BCL2L1: variants seen among roughly 807,000 people sequenced by gnomAD.
BCL2L1 encodes BCL2 like 1.
In BCL2L1, 1 loss-of-function variant was observed where a neutral mutation model predicts 18.7. The ratio of observed to expected loss-of-function variants is 0.05; its 90% confidence interval spans 0.02 to 0.25. The LOEUF (loss-of-function observed/expected upper bound fraction) is 0.25, where lower values mean the gene tolerates loss of function less well. Ranked by LOEUF, BCL2L1 falls within the 10% of genes least tolerant of loss-of-function variation. The pLI, the probability that BCL2L1 is intolerant of heterozygous loss-of-function variation, is 1.00. For synonymous variants in BCL2L1, 103 were observed against 122.7 expected, an observed-to-expected ratio of 0.84 and a Z score of 1.06; for missense variants, 207 against 304.9, an observed-to-expected ratio of 0.68 and a Z score of 2.39.
intron 2 of BCL2L1, among the ~76,000 whole-genome samples, chr20:31,697,501 G>C (rs529014075): frequency 6.7e-6 from 1 of 150,254 alleles, no homozygotes; most frequent in Admixed American, 6.6e-5. Context: ...GCAGTGGCAC[G>C]ATCTTGACTC....
intron 2 of BCL2L1, among the ~76,000 whole-genome samples, chr20:31,692,694 A>C (rs886523851): frequency 2.0e-5 from 3 of 152,164 alleles, no homozygotes; most frequent in African/African-American, 7.2e-5. Context: ...GTGGATCACG[A>C]GGTCAGGAGT....
chr20:31,701,451 A>G (rs181622926), intron 2 of BCL2L1, among the ~76,000 whole-genome samples: 169 of 152,362 alleles, frequency 1.1e-3, no homozygotes, highest in African/African-American at 3.8e-3. Flanking sequence ...GGACTTTTGT[A>G]ACATACATTT....
chr20:31,719,125 G>A (rs943359904), intron 2 of BCL2L1, among the ~76,000 whole-genome samples: 1 of 150,994 alleles, frequency 6.6e-6, no homozygotes, highest in Non-Finnish European at 1.5e-5. Context: ...ACAGCATGCC[G>A]TTTCCATGAA....
intron 2 of BCL2L1, among the ~76,000 whole-genome samples, chr20:31,702,839 A>C (rs2061302353): frequency 6.7e-6 from 1 of 148,508 alleles, no homozygotes; most frequent in African/African-American, 2.5e-5. Flanking sequence ...CCAGCTACTC[A>C]GGAGTTTGAG....
chr20:31,697,531 G>A (rs1370096969), intron 2 of BCL2L1, among the ~76,000 whole-genome samples: 2 of 151,776 alleles, frequency 1.3e-5, no homozygotes, highest in South Asian at 2.1e-4. Context: ...TCCACCTCCC[G>A]GGTTCATGCC....
chr20:31,703,658 A>AT (rs552477353), intron 2 of BCL2L1, among the ~76,000 whole-genome samples: 2 of 143,196 alleles, frequency 1.4e-5, no homozygotes, highest in Non-Finnish European at 3.0e-5. Context: ...CACCCGGCTA[A>AT]TTTTTTTATT....
chr20:31,699,482 T>C (rs2061242183), intron 2 of BCL2L1, among the ~76,000 whole-genome samples: 1 of 152,234 alleles, frequency 6.6e-6, no homozygotes, highest in African/African-American at 2.4e-5. Flanking sequence ...CCCCAGGCTC[T>C]GGAGGCATCC....
At chr20:31,684,091 C>T (rs1418392172) in intron 2 of BCL2L1, among the ~76,000 whole-genome samples, 1 of 152,164 alleles carries the variant, frequency 6.6e-6, no homozygotes, top group Non-Finnish European at 1.5e-5. Flanking sequence ...AGTCAGCCAG[C>T]TGACCGGAAG....
At chr20:31,699,153 G>A (rs1190310684) in intron 2 of BCL2L1, among the ~76,000 whole-genome samples, 1 of 152,204 alleles carries the variant, frequency 6.6e-6, no homozygotes, top group Non-Finnish European at 1.5e-5. Flanking sequence ...AGCTTGAGAA[G>A]CCTTGAGGAA....
chr20:31,697,892 G>GTTTTTTTTTTTTTTTTTTTTTTTTTTTTT lies in BCL2L1; in HGVS notation c.564+23762_564+23763insAAAAAAAAAAAAAAAAAAAAAAAAAAAAA, dbSNP rs199575410. Among the ~76,000 whole-genome samples, 21 of 129,646 alleles carry GTTTTTTTTTTTTTTTTTTTTTTTTTTTTT rather than the reference G, an allele frequency of 1.6e-4. 1 individual carries two copies. Among genetic ancestry groups the GTTTTTTTTTTTTTTTTTTTTTTTTTTTTT allele is most frequent in the African/African-American group, 6.6e-4 (20 of 30,504 alleles). 85.1% of individuals were successfully genotyped at this position (129,646 alleles called of 152,430 possible). On this transcript the variant is annotated intron_variant, in intron 2 of 2. Coordinates refer to ENST00000307677, the MANE Select transcript of BCL2L1 (RefSeq NM_138578.3). ...AGAATCCTCAGCATGTGCTGTTGCT[G>GTTTTTTTTTTTTTTTTTTTTTTTTTTTTT]TTTTTTTTTTTTTGAGACGGAGTCT...
At chr20:31,705,026 G>A (rs950356246) in intron 2 of BCL2L1, among the ~76,000 whole-genome samples, 1 of 152,104 alleles carries the variant, frequency 6.6e-6, no homozygotes, top group Non-Finnish European at 1.5e-5. Context: ...CTACAATGCT[G>A]GATACAATAG....
intron 2 of BCL2L1, among the ~76,000 whole-genome samples, chr20:31,666,324 G>A (rs564893934): frequency 6.6e-6 from 1 of 152,236 alleles, no homozygotes; most frequent in African/African-American, 2.4e-5. Context: ...CCCTGTCTGA[G>A]GTAAGTCAAG....
intron 2 of BCL2L1, 172 bp downstream of exon 2, chr20:31,721,483 G>T: frequency 2.7e-6 from 2 of 742,776 alleles, no homozygotes; most frequent in South Asian, 4.1e-5. Context: ...AGGGTCATTT[G>T]TATTTCCAAG....
At chr20:31,723,531 G>T, upstream of BCL2L1, 1 of 984,900 alleles carries the variant, frequency 1.0e-6, no homozygotes, top group African/African-American at 1.7e-5. Context: ...CACTAGGCCG[G>T]GTACCCGCCG....
chr20:31,669,458 C>CT (rs368877244), intron 2 of BCL2L1, among the ~76,000 whole-genome samples: 40,707 of 141,460 alleles, frequency 0.29, 7,217 homozygotes, highest in African/African-American at 0.51. Flanking sequence ...CTAGATGTGT[C>CT]TTTTTTTTTT....
chr20:31,703,033 A>C (rs1287940137), intron 2 of BCL2L1, among the ~76,000 whole-genome samples: 1 of 151,536 alleles, frequency 6.6e-6, no homozygotes, highest in Non-Finnish European at 1.5e-5. Flanking sequence ...ATAAGATCTG[A>C]ACTTGGTTTT....
At chr20:31,704,865 T>C (rs1468790441) in intron 2 of BCL2L1, among the ~76,000 whole-genome samples, 1 of 152,228 alleles carries the variant, frequency 6.6e-6, no homozygotes, top group African/African-American at 2.4e-5. Context: ...ACTGATTGAT[T>C]ACTAAAGAAA....
chr20:31,678,678 G>A (rs969259152), intron 2 of BCL2L1, among the ~76,000 whole-genome samples: 1 of 152,176 alleles, frequency 6.6e-6, no homozygotes, highest in Admixed American at 6.5e-5. Flanking sequence ...AGAGCAATAG[G>A]CACATCTATG....
chr20:31,673,212 A>G (rs373818723), intron 2 of BCL2L1, among the ~76,000 whole-genome samples: 1 of 151,292 alleles, frequency 6.6e-6, no homozygotes, highest in African/African-American at 2.4e-5. Flanking sequence ...GCCTGGGATT[A>G]CAGGCACCCG....
Sources: allele counts gnomAD v4.1 joint callset (sites outside exome capture counted in the v4.1 genomes callset), GRCh38; gene constraint gnomAD v4.1.1; transcripts MANE v1.5; gene names NCBI Gene and HGNC (gene_info 2026-07-23, HGNC 2026-07-21).